The following LRRN2 variants were observed in gnomAD, a reference collection of about 807,000 sequenced individuals.
The protein encoded by LRRN2 is leucine rich repeat neuronal 2.
A neutral mutation model predicts 35.7 loss-of-function variants in LRRN2; 10 were observed. That is an observed-to-expected ratio of 0.28 (90% CI 0.17 to 0.47). The LOEUF (loss-of-function observed/expected upper bound fraction) is 0.47, where lower values mean the gene tolerates loss of function less well. Ranked by LOEUF, LRRN2 falls within the 20% of genes least tolerant of loss-of-function variation. The pLI, the probability that LRRN2 is intolerant of heterozygous loss-of-function variation, is 0.99. For missense variants in LRRN2, 731 were observed against 940.3 expected, an observed-to-expected ratio of 0.78 and a Z score of 2.91; for synonymous variants, 391 against 409.6, an observed-to-expected ratio of 0.95 and a Z score of 0.55.
In LRRN2 at chr1:204,667,648, C is replaced by T. The variant is rs559991151; in HGVS notation, c.-227+17672G>A. Among the ~76,000 whole-genome samples, 17 of 152,250 alleles carry T rather than the reference C, an allele frequency of 1.1e-4. No homozygotes were observed. The East Asian group carries it at 2.7e-3, about 24-fold the overall frequency. Reference sequence around the variant, plus strand: ...TTTAATAGAATGTGCTGACTGTGCTCAGTTCATGGGAGGAGTTCTCAGGGC... The same window carrying T: ...TTTAATAGAATGTGCTGACTGTGCTTAGTTCATGGGAGGAGTTCTCAGGGC... On this transcript the variant is annotated intron_variant, in intron 1 of 1. Transcript: ENST00000367177.
intron 1 of LRRN2, among the ~76,000 whole-genome samples, chr1:204,649,145 C>G (rs562238987): frequency 1.3e-5 from 2 of 152,308 alleles, no homozygotes; most frequent in African/African-American, 4.8e-5. Flanking sequence ...CAACCAGTGG[C>G]GGCGACTCAA....
intron 1 of LRRN2, among the ~76,000 whole-genome samples, chr1:204,627,740 T>C (rs1667506449): frequency 1.3e-5 from 2 of 152,226 alleles, no homozygotes; most frequent in South Asian, 4.1e-4. Context: ...TTGCTGATCC[T>C]CAGGGAAAAC....
chr1:204,655,213 C>G (rs1357585282), intron 1 of LRRN2, among the ~76,000 whole-genome samples: 1 of 152,202 alleles, frequency 6.6e-6, no homozygotes, highest in African/African-American at 2.4e-5. Context: ...ACTGACCACC[C>G]CAGCAAGTGG....
At chr1:204,639,506 G>T (rs530820473) in intron 1 of LRRN2, among the ~76,000 whole-genome samples, 28 of 152,244 alleles carry the variant, frequency 1.8e-4, no homozygotes, top group Admixed American at 8.5e-4. Context: ...CTGTTGTGGT[G>T]GTGCACACTT....
intron 1 of LRRN2, among the ~76,000 whole-genome samples, chr1:204,656,059 G>A (rs1049352087): frequency 5.3e-5 from 8 of 150,510 alleles, no homozygotes; most frequent in East Asian, 2.0e-4. Flanking sequence ...ACAGGCGCCC[G>A]CCACCACGCC....
At chr1:204,672,184 G>T (rs1668728968) in intron 1 of LRRN2, among the ~76,000 whole-genome samples, 1 of 152,184 alleles carries the variant, frequency 6.6e-6, no homozygotes, top group African/African-American at 2.4e-5. Context: ...TGAAAGATCA[G>T]GAAAATCAGT....
At chr1:204,642,122 A>C (rs1368611740) in intron 1 of LRRN2, among the ~76,000 whole-genome samples, 2 of 152,224 alleles carry the variant, frequency 1.3e-5, no homozygotes, top group Non-Finnish European at 2.9e-5. Flanking sequence ...TCCTGGGCAC[A>C]AGGCCCAGAT....
intron 1 of LRRN2, among the ~76,000 whole-genome samples, chr1:204,669,859 G>A (rs781382212): frequency 1.2e-4 from 19 of 152,214 alleles, no homozygotes; most frequent in Non-Finnish European, 2.6e-4. Flanking sequence ...ATCCTAAAGA[G>A]CATGGGAATC....
chr1:204,630,015 G>A (rs569496723), intron 1 of LRRN2, among the ~76,000 whole-genome samples: 1 of 152,278 alleles, frequency 6.6e-6, no homozygotes, highest in South Asian at 2.1e-4. Context: ...CAGGGTGACA[G>A]GAGCCGTACT....
intron 1 of LRRN2, among the ~76,000 whole-genome samples, chr1:204,630,414 G>A (rs1457197191): frequency 1.3e-5 from 2 of 152,152 alleles, no homozygotes; most frequent in Non-Finnish European, 2.9e-5. Flanking sequence ...GAAAGGCCAA[G>A]CCCCTTCTAA....
intron 1 of LRRN2, among the ~76,000 whole-genome samples, chr1:204,643,984 A>G (rs1668042471): frequency 6.6e-6 from 1 of 152,116 alleles, no homozygotes; most frequent in Non-Finnish European, 1.5e-5. Context: ...CAGAGTTATC[A>G]TGAGGATTAA....
intron 1 of LRRN2, among the ~76,000 whole-genome samples, chr1:204,649,292 C>G (rs781757020): frequency 1.3e-5 from 2 of 152,180 alleles, no homozygotes; most frequent in Non-Finnish European, 2.9e-5. Flanking sequence ...CTGAACAGCC[C>G]CACATTCAGA....
At chr1:204,684,604 GC>G (rs1374568307) in intron 1 of LRRN2, among the ~76,000 whole-genome samples, 10 of 152,130 alleles carry the variant, frequency 6.6e-5, no homozygotes, top group Non-Finnish European at 1.2e-4. Flanking sequence ...CCCACCTGTG[GC>G]TGGCCAGCCC....
At chr1:204,670,849 G>A (rs1016340801) in intron 1 of LRRN2, among the ~76,000 whole-genome samples, 1 of 152,224 alleles carries the variant, frequency 6.6e-6, no homozygotes, top group Non-Finnish European at 1.5e-5. Context: ...CAGGGCTGGG[G>A]AAGGAGTGGG....
At chr1:204,637,776 C>G (rs545250744) in intron 1 of LRRN2, among the ~76,000 whole-genome samples, 3 of 151,884 alleles carry the variant, frequency 2.0e-5, no homozygotes, top group Non-Finnish European at 2.9e-5. Context: ...GTATGCTCCT[C>G]CACACCCTGC....
Position 204,619,729 on chromosome 1 carries a change from C to CTCACTCTGGT in LRRN2, c.254_263dup (p.Leu89ProfsTer3). The CTCACTCTGGT allele has an allele frequency of 6.2e-7, 1 of 1,614,234 alleles. No homozygotes were observed. Among genetic ancestry groups the CTCACTCTGGT allele is most frequent in the Non-Finnish European group, 8.5e-7 (1 of 1,180,018 alleles). On this transcript the variant is annotated stop_gained and frameshift_variant, in exon 2 of 2. Transcript: ENST00000367177. LOFTEE classifies it high-confidence loss of function. ...CTGTGAGATTGGCCAGGTAGCCCAG[C>CTCACTCTGGT]TCACTCTGGTCCACACGGACAATGC...
chr1:204,619,337 A>T lies in LRRN2; in HGVS notation c.656T>A (p.Val219Glu). ...CTCCCGCAGGTTCATGCCTGCTAGC[A>T]CCAGGCTACGCAGGTTGGCCAGGGG... ...FRPLANLRSL[V>E]LAGMNLREIS... The change falls in exon 2 of 2, where the codon GTG becomes GAG. Residue 219 changes from valine (V) to glutamate (E), a missense_variant. Physicochemically the swap from Val to Glu is moderately radical, Grantham distance 121. This residue lies in a region of LRRN2 where 246 missense variants were observed against 289.5 expected (regional missense o/e 0.85). Coordinates refer to ENST00000367177, the MANE Select transcript of LRRN2 (RefSeq NM_201630.2). The T allele has an allele frequency of 6.2e-7, 1 of 1,614,172 alleles. No homozygotes were observed. The highest frequency in any genetic ancestry group is 8.5e-7 in the Non-Finnish European group (1 of 1,180,028).
chr1:204,666,962 C>CAAAAAAAAAAAAAAAAAAAAAAA, intron 1 of LRRN2, among the ~76,000 whole-genome samples: 1 of 64,814 alleles, frequency 1.5e-5, no homozygotes, highest in Non-Finnish European at 2.7e-5. Context: ...ACTCTGTCTC[C>CAAAAAAAAAAAAAAAAAAAAAAA]AAAAAAAAAA....
intron 1 of LRRN2, among the ~76,000 whole-genome samples, chr1:204,662,203 A>G (rs1668486791): frequency 6.6e-6 from 1 of 152,138 alleles, no homozygotes; most frequent in African/African-American, 2.4e-5. Context: ...TTCCATAGAC[A>G]AATGCCAGGA....
Sources: gnomAD v4.1 joint callset for allele counts (sites outside exome capture counted in the v4.1 genomes callset) on GRCh38, gnomAD v4.1.1 for gene constraint, gnomAD v4.1.1 regional missense constraint, MANE v1.5 for transcripts, NCBI Gene and HGNC (gene_info 2026-07-23, HGNC 2026-07-21) for gene names.